EMSY: variants seen among roughly 807,000 people sequenced by gnomAD.
EMSY encodes BRCA2-interacting transcriptional repressor EMSY.
Under a neutral mutation model 134.6 loss-of-function variants are expected in EMSY, and 26 were observed. That is an observed-to-expected ratio of 0.19 (90% confidence interval 0.14 to 0.27). The LOEUF (loss-of-function observed/expected upper bound fraction) is 0.27, where lower values mean the gene tolerates loss of function less well. Ranked by LOEUF, EMSY falls within the 10% of genes least tolerant of loss-of-function variation. The pLI, the probability that EMSY is intolerant of heterozygous loss-of-function variation, is 1.00. For missense variants in EMSY, 1,305 were observed against 1,611.4 expected, an observed-to-expected ratio of 0.81 and a Z score of 3.26; for synonymous variants, 579 against 577.8, an observed-to-expected ratio of 1.00 and a Z score of -0.03.
At chr11:76,527,139 C>G (rs1364755512) in intron 13 of EMSY, among the ~76,000 whole-genome samples, 1 of 152,056 alleles carries the variant, frequency 6.6e-6, no homozygotes, top group Admixed American at 6.6e-5. Flanking sequence ...GGCTCAGGAT[C>G]TAATCATATG....
At chr11:76,501,778 A>G (rs1006271918) in intron 9 of EMSY, among the ~76,000 whole-genome samples, 4 of 152,186 alleles carry the variant, frequency 2.6e-5, no homozygotes, top group African/African-American at 9.6e-5. Flanking sequence ...ATTCAAAGAA[A>G]TAATGGCTGA....
chr11:76,454,862 C>G, intron 4 of EMSY, 72 bp downstream of exon 5: 1 of 1,103,228 alleles, frequency 9.1e-7, no homozygotes, highest in South Asian at 1.6e-5. Context: ...CTCAATTATT[C>G]AGGGGCACAT....
chr11:76,550,383 A>G (rs1173837071), exon 21 of EMSY: 3 of 323,222 alleles, frequency 9.3e-6, no homozygotes, highest in Non-Finnish European at 1.7e-5. Context: ...GCACATTTAC[A>G]GTGACTTAAG....
intron 1 of EMSY, among the ~76,000 whole-genome samples, chr11:76,446,338 T>C (rs1001770427): frequency 5.9e-5 from 2 of 33,644 alleles, no homozygotes; most frequent in Admixed American, 9.7e-4. Context: ...TATATATGTA[T>C]ATATATATGT....
At chr11:76,466,398 C>T (rs1048449695) in intron 7 of EMSY, among the ~76,000 whole-genome samples, 79 of 152,140 alleles carry the variant, frequency 5.2e-4, no homozygotes, top group African/African-American at 1.8e-3. Flanking sequence ...TTAATCCATT[C>T]TTATTTGTCT....
intron 9 of EMSY, among the ~76,000 whole-genome samples, chr11:76,499,275 CTTTTTTTTTTTTTTTTT>C (rs777778051): frequency 2.9e-5 from 2 of 70,006 alleles, no homozygotes; most frequent in South Asian, 5.5e-4. Context: ...AATCTTATAA[CTTTTTTTTTTTTTTTTT>C]TTTTTTTTTT....
chr11:76,495,882 G>T (rs928994704), intron 8 of EMSY, among the ~76,000 whole-genome samples: 6 of 152,076 alleles, frequency 3.9e-5, no homozygotes, highest in African/African-American at 1.4e-4. Flanking sequence ...TTCACATTGA[G>T]AACCTACATT....
At chr11:76,471,774 C>T (rs1453907503) in intron 7 of EMSY, among the ~76,000 whole-genome samples, 1 of 152,166 alleles carries the variant, frequency 6.6e-6, no homozygotes, top group Admixed American at 6.5e-5. Context: ...TTTAGTCCTT[C>T]ATTACTTCTC....
chr11:76,504,239 G>C (rs1949989577), intron 9 of EMSY, among the ~76,000 whole-genome samples: 1 of 150,452 alleles, frequency 6.6e-6, no homozygotes, highest in South Asian at 2.1e-4. Flanking sequence ...CCCACCACCA[G>C]AAATAAAACC....
intron 8 of EMSY, among the ~76,000 whole-genome samples, chr11:76,483,575 A>G (rs907070841): frequency 2.0e-5 from 3 of 152,226 alleles, no homozygotes; most frequent in African/African-American, 7.2e-5. Flanking sequence ...AAGCAAATGG[A>G]AAGCAAAAAA....
chr11:76,516,763 T>A (rs1032127983), intron 11 of EMSY: 1 of 152,290 alleles, frequency 6.6e-6, no homozygotes, highest in African/African-American at 2.4e-5. Context: ...GTTCTGAATA[T>A]GTTTTAGGGA....
chr11:76,463,946 G>T, exon 7 of EMSY: 1 of 1,614,180 alleles, frequency 6.2e-7, no homozygotes, highest in South Asian at 1.1e-5. Flanking sequence ...GACGATCACT[G>T]TGCCTGTGAG....
At chr11:76,453,559 G>A in intron 4 of EMSY, 171 bp downstream of exon 4, 1 of 483,486 alleles carries the variant, frequency 2.1e-6, no homozygotes, top group South Asian at 4.6e-5. Flanking sequence ...ATTCAGTTGG[G>A]TTTTTTTTTG....
chr11:76,455,418 C>T (rs1345648628), intron 4 of EMSY, among the ~76,000 whole-genome samples: 1 of 152,056 alleles, frequency 6.6e-6, no homozygotes, highest in Non-Finnish European at 1.5e-5. Context: ...CTTTCCATCT[C>T]CTCTGCCCTC....
At chr11:76,541,495 C>T (rs1047325238) in intron 17 of EMSY, among the ~76,000 whole-genome samples, 1 of 152,170 alleles carries the variant, frequency 6.6e-6, no homozygotes, top group African/African-American at 2.4e-5. Flanking sequence ...GTAGAAACAG[C>T]AAGCCTTTAT....
In EMSY at chr11:76,469,038, T is replaced by G. The variant is rs79142105; in HGVS notation, c.832-3526T>G. Among the ~76,000 whole-genome samples, 1,422 of 152,308 alleles carry G rather than the reference T, an allele frequency of 9.3e-3. 22 individuals carry two copies. Among genetic ancestry groups the G allele is most frequent in the African/African-American group, 0.033 (1,356 of 41,558 alleles). The stretch of plus-strand genomic sequence containing the variant: ...GGTGGATCTCTAATGAAGGATAACT[T>G]CTTTTCAGATCAGAAATCATCTTGC... On this transcript the variant is annotated intron_variant, in intron 7 of 20. Transcript: ENST00000334736.
chr11:76,528,446 A>C, exon 14 of EMSY: 1 of 1,607,716 alleles, frequency 6.2e-7, no homozygotes, highest in Non-Finnish European at 8.5e-7. Context: ...TCTTCTACAG[A>C]GTCCTCCCAG....
At chr11:76,538,800 C>T (rs1040589246) in intron 16 of EMSY, among the ~76,000 whole-genome samples, 2 of 151,816 alleles carry the variant, frequency 1.3e-5, no homozygotes, top group African/African-American at 4.8e-5. Context: ...TTTACTAAAA[C>T]TACAAAAATT....
At chr11:76,452,076 G>T in intron 3 of EMSY, 119 bp downstream of exon 3, 1 of 595,926 alleles carries the variant, frequency 1.7e-6, no homozygotes, top group Non-Finnish European at 2.8e-6. Flanking sequence ...TGTTCAAATT[G>T]TTGGTGCTAA....
Sources: allele counts gnomAD v4.1 joint callset (sites outside exome capture counted in the v4.1 genomes callset), GRCh38; gene constraint gnomAD v4.1.1; transcripts MANE v1.5; gene names NCBI Gene and HGNC (gene_info 2026-07-23, HGNC 2026-07-21).